The following SNTG2 variants were observed in gnomAD, a reference collection of about 807,000 sequenced individuals.
The protein encoded by SNTG2 is gamma-2-syntrophin.
In SNTG2, 74 loss-of-function variants were observed where a neutral mutation model predicts 70.9. The observed-to-expected ratio is 1.04, with a 90% CI of 0.86 to 1.27. The LOEUF (loss-of-function observed/expected upper bound fraction) is 1.27, where lower values mean the gene tolerates loss of function less well. Among genes scored for constraint, SNTG2 ranks in the 50% most tolerant of loss-of-function variants. The pLI is 0.00. For missense variants in SNTG2, 717 were observed against 690.7 expected (o/e 1.04, Z -0.43); for synonymous variants, 278 against 273.8 (o/e 1.02, Z -0.15).
chr2:1,129,556 A>G (rs57674207), intron 4 of SNTG2, among the ~76,000 whole-genome samples: 2,955 of 152,338 alleles, frequency 0.019, 112 homozygotes, highest in African/African-American at 0.067. Flanking sequence ...TCAAATAAGA[A>G]GGTCAAGTTT....
chr2:1,017,259 C>T (rs1659924773), intron 1 of SNTG2, among the ~76,000 whole-genome samples: 1 of 152,088 alleles, frequency 6.6e-6, no homozygotes, highest in East Asian at 1.9e-4. Flanking sequence ...GTAACTGTGT[C>T]ATAAAAGTCT....
At chr2:1,341,029 A>G (rs1660057703) in intron 16 of SNTG2, 1 of 152,190 alleles carries the variant, frequency 6.6e-6, no homozygotes, top group African/African-American at 2.4e-5. Flanking sequence ...GTTTGCCCCA[A>G]TTTATAGGTG....
Position 1,267,357 on chromosome 2 carries a change from T to C in SNTG2, c.1078-8T>C, listed in dbSNP as rs2148183681. On this transcript the variant is annotated splice_region_variant and splice_polypyrimidine_tract_variant and intron_variant, in intron 13 of 16. Transcript: ENST00000308624. Reference sequence around the variant, plus strand: ...CTGCACGTTTCCAATCCATGCTCTGTTTTTCAGTTCTGGCTCACAGAGGAC... The same window carrying C: ...CTGCACGTTTCCAATCCATGCTCTGCTTTTCAGTTCTGGCTCACAGAGGAC... 1 of 1,588,126 alleles carries C rather than the reference T, an allele frequency of 6.3e-7. No homozygotes were observed. The highest frequency in any genetic ancestry group is 2.3e-5 in the East Asian group (1 of 44,152).
chr2:952,643 T>G (rs1191202485), intron 1 of SNTG2, among the ~76,000 whole-genome samples: 1 of 145,930 alleles, frequency 6.9e-6, no homozygotes, highest in Non-Finnish European at 1.5e-5. Flanking sequence ...ACAGCCTGTC[T>G]GAATTGTATT....
intron 16 of SNTG2, among the ~76,000 whole-genome samples, chr2:1,357,981 G>A (rs1444220180): frequency 6.6e-6 from 1 of 151,692 alleles, no homozygotes; most frequent in African/African-American, 2.4e-5. Context: ...TATACTTTTG[G>A]ACTCTGTGAA....
intron 4 of SNTG2, among the ~76,000 whole-genome samples, chr2:1,121,468 A>C (rs540361483): frequency 2.5e-3 from 377 of 152,326 alleles, no homozygotes; most frequent in African/African-American, 8.6e-3. Flanking sequence ...TGTTTTTAAA[A>C]AAAAATAAAA....
intron 11 of SNTG2, among the ~76,000 whole-genome samples, chr2:1,246,143 GA>G (rs1677408805): frequency 6.6e-6 from 1 of 152,144 alleles, no homozygotes; most frequent in Admixed American, 6.5e-5. Context: ...AGTCAAGAAA[GA>G]CAAAACTAAA....
intron 1 of SNTG2, among the ~76,000 whole-genome samples, chr2:979,443 T>C (rs10182786): frequency 0.31 from 46,460 of 152,066 alleles, 7,509 homozygotes; most frequent in Middle Eastern, 0.41. Context: ...GAAGGAGGAA[T>C]GGGAGCTTGC....
At chr2:1,005,638 C>T (rs932009424) in intron 1 of SNTG2, among the ~76,000 whole-genome samples, 1 of 150,872 alleles carries the variant, frequency 6.6e-6, no homozygotes, top group African/African-American at 2.4e-5. Flanking sequence ...ACCTCGTCTC[C>T]ACTAACAGTA....
intron 1 of SNTG2, among the ~76,000 whole-genome samples, chr2:951,578 T>C (rs1399668742): frequency 6.6e-6 from 1 of 152,242 alleles, no homozygotes; most frequent in African/African-American, 2.4e-5. Context: ...GGGGAACCGC[T>C]GGGACGCCAA....
chr2:1,363,190 C>T (rs1661295921), intron 16 of SNTG2, among the ~76,000 whole-genome samples: 1 of 146,334 alleles, frequency 6.8e-6, no homozygotes. Context: ...CCACAAAAGA[C>T]CCTGGCAACA....
At chr2:1,267,785 A>T (rs548180056) in intron 14 of SNTG2, among the ~76,000 whole-genome samples, 2 of 152,214 alleles carry the variant, frequency 1.3e-5, no homozygotes, top group Non-Finnish European at 2.9e-5. Flanking sequence ...GGAGGAGAGG[A>T]TTTTGTGTCT....
At chr2:1,094,751 G>A (rs1665269776) in intron 2 of SNTG2, among the ~76,000 whole-genome samples, 1 of 64,652 alleles carries the variant, frequency 1.5e-5, no homozygotes, top group Non-Finnish European at 2.7e-5. Flanking sequence ...GGCCTTATAG[G>A]TGTGTCCTCA....
In SNTG2 at chr2:1,237,856, G is replaced by A. The variant is rs199641681; in HGVS notation, c.720-32G>A. On this transcript the variant is annotated intron_variant, in intron 9 of 16. Transcript: ENST00000308624. The stretch of plus-strand genomic sequence containing the variant: ...GAGGCAGGCCCGCTCCCGTCGCTGC[G>A]GGGCCTCCTGGACAGCTCTCTCCCT... 643 of 1,577,440 alleles carry A rather than the reference G, an allele frequency of 4.1e-4. 1 individual carries two copies. In the Admixed American group the frequency reaches 6.3e-3, roughly 15 times the overall value.
At chr2:1,030,125 G>A (rs1477797111) in intron 1 of SNTG2, among the ~76,000 whole-genome samples, 1 of 152,066 alleles carries the variant, frequency 6.6e-6, no homozygotes, top group Non-Finnish European at 1.5e-5. Flanking sequence ...TTTGTACATC[G>A]ATCATAAATA....
At chr2:1,178,151 C>A (rs1321668431) in intron 8 of SNTG2, among the ~76,000 whole-genome samples, 1 of 152,152 alleles carries the variant, frequency 6.6e-6, no homozygotes, top group South Asian at 2.1e-4. Flanking sequence ...AGCCAATTTG[C>A]TGTGCAGTGA....
At chr2:1,351,754 C>G (rs1277520400) in intron 16 of SNTG2, among the ~76,000 whole-genome samples, 2 of 152,190 alleles carry the variant, frequency 1.3e-5, no homozygotes, top group African/African-American at 2.4e-5. Flanking sequence ...AAGCCTTCAT[C>G]CCACTGCTCT....
intron 1 of SNTG2, among the ~76,000 whole-genome samples, chr2:1,034,658 G>C (rs1375949057): frequency 6.6e-6 from 1 of 152,148 alleles, no homozygotes; most frequent in Non-Finnish European, 1.5e-5. Context: ...ATTCTGACTG[G>C]TGTGAGATGG....
chr2:1,213,116 T>C (rs1674153639), intron 9 of SNTG2, among the ~76,000 whole-genome samples: 1 of 152,218 alleles, frequency 6.6e-6, no homozygotes, highest in South Asian at 2.1e-4. Flanking sequence ...AATAATCATA[T>C]ATAATTAATG....
Sources: gnomAD v4.1 joint callset for allele counts (sites outside exome capture counted in the v4.1 genomes callset) on GRCh38, gnomAD v4.1.1 for gene constraint, MANE v1.5 for transcripts, NCBI Gene and HGNC (gene_info 2026-07-23, HGNC 2026-07-21) for gene names.